The following PARD3 variants were observed in gnomAD, a reference collection of about 807,000 sequenced individuals.
The protein encoded by PARD3 is partitioning defective 3 homolog.
A neutral mutation model predicts 155.4 loss-of-function variants in PARD3; 75 were observed. The ratio of observed to expected loss-of-function variants is 0.48; its 90% CI spans 0.40 to 0.58. PARD3 has a LOEUF of 0.58. PARD3 is among the 20% of genes least tolerant of loss of function. The probability of loss-of-function intolerance (pLI) is 0.00; values close to 1 mark genes in which losing one functional copy is unlikely to be tolerated. For missense variants in PARD3, 1,642 were observed against 1,721.7 expected (o/e 0.95, Z 0.82); for synonymous variants, 576 against 610.5 (o/e 0.94, Z 0.83).
intron 1 of PARD3, among the ~76,000 whole-genome samples, chr10:34,748,311 A>T (rs1351285735): frequency 1.3e-5 from 2 of 152,022 alleles, no homozygotes; most frequent in Non-Finnish European, 2.9e-5. Context: ...CTCTACTAAA[A>T]ATACCAAAAT....
At chr10:34,344,643 CT>C in intron 15 of PARD3, 6 of 985,340 alleles carry the variant, frequency 6.1e-6, no homozygotes, top group Non-Finnish European at 7.2e-6. Flanking sequence ...ATGTTTAAGG[CT>C]TTTCAAAGGA....
At chr10:34,265,054 G>A (rs1032214991) in intron 22 of PARD3, among the ~76,000 whole-genome samples, 1 of 152,126 alleles carries the variant, frequency 6.6e-6, no homozygotes, top group Non-Finnish European at 1.5e-5. Context: ...CCCGGCCTAC[G>A]CCAACATTTT....
chr10:34,354,086 C>G (rs544155486), intron 14 of PARD3, among the ~76,000 whole-genome samples: 2 of 149,670 alleles, frequency 1.3e-5, no homozygotes, highest in Non-Finnish European at 3.0e-5. Context: ...CTGAGGGTGA[C>G]TCTGGAATTT....
chr10:34,416,812 A>G (rs1256645559), intron 5 of PARD3, among the ~76,000 whole-genome samples: 1 of 152,262 alleles, frequency 6.6e-6, no homozygotes, highest in Non-Finnish European at 1.5e-5. Flanking sequence ...ATTGTATCAC[A>G]ACATGAACTG....
chr10:34,328,730 C>A (rs1240024269), intron 19 of PARD3, among the ~76,000 whole-genome samples: 1 of 152,150 alleles, frequency 6.6e-6, no homozygotes, highest in African/African-American at 2.4e-5. Flanking sequence ...ACTAAAATCC[C>A]AAATTACTTA....
chr10:34,291,760 G>T (rs960359106), intron 20 of PARD3, among the ~76,000 whole-genome samples: 5 of 152,208 alleles, frequency 3.3e-5, no homozygotes, highest in African/African-American at 1.2e-4. Context: ...AAATACATGA[G>T]ATAGAACTGG....
chr10:34,814,826 G>A, intron 1 of PARD3, 50 bp downstream of exon 1: 1 of 1,299,748 alleles, frequency 7.7e-7, no homozygotes, highest in Non-Finnish European at 1.1e-6. Context: ...ATTGATCCCG[G>A]CGCCGTCCCC....
intron 2 of PARD3, among the ~76,000 whole-genome samples, chr10:34,600,386 T>C (rs1353347697): frequency 2.0e-5 from 3 of 151,072 alleles, no homozygotes; most frequent in Non-Finnish European, 2.9e-5. Context: ...ATAAAAGGTA[T>C]AAAGATTGGA....
chr10:34,258,005 C>T (rs1014999369), intron 22 of PARD3, among the ~76,000 whole-genome samples: 1 of 152,178 alleles, frequency 6.6e-6, no homozygotes, highest in African/African-American at 2.4e-5. Flanking sequence ...CAAAGAGCCA[C>T]GTAATTCACC....
intron 2 of PARD3, among the ~76,000 whole-genome samples, chr10:34,654,381 C>T (rs1260165109): frequency 6.6e-6 from 1 of 152,184 alleles, no homozygotes; most frequent in African/African-American, 2.4e-5. Flanking sequence ...GGTTAAGTAA[C>T]TTGCCCAAGG....
rs1185067110 is a variant in PARD3 at position 34,120,004 on chromosome 10, A to ATTTTTTTTTT, written c.3541-274_3541-265dup. Among the ~76,000 whole-genome samples the ATTTTTTTTTT allele has an allele frequency of 5.7e-3, 422 of 73,820 alleles. 61 individuals carry two copies. Among genetic ancestry groups the ATTTTTTTTTT allele is most frequent in the African/African-American group, 0.02 (346 of 17,050 alleles). 48.4% of individuals were successfully genotyped at this position (73,820 alleles called of 152,430 possible). On this transcript the variant is annotated intron_variant, in intron 23 of 24. Transcript: ENST00000374788. ...AGATCAAACTTTCTAGTCTTCTTTA[A>ATTTTTTTTTT]TTTTTTTTTTTTTTTTTTTTTTTTT...
At chr10:34,442,961 T>C (rs968124277) in intron 5 of PARD3, among the ~76,000 whole-genome samples, 1 of 151,706 alleles carries the variant, frequency 6.6e-6, no homozygotes, top group African/African-American at 2.4e-5. Context: ...TAGTTCTAGA[T>C]CTCAGGGAAA....
chr10:34,629,460 C>T (rs1321044580), intron 2 of PARD3, among the ~76,000 whole-genome samples: 1 of 152,208 alleles, frequency 6.6e-6, no homozygotes, highest in Non-Finnish European at 1.5e-5. Flanking sequence ...TGTGCACACA[C>T]ACACACATAC....
At chr10:34,342,549 T>C (rs1836943412) in intron 15 of PARD3, among the ~76,000 whole-genome samples, 1 of 152,088 alleles carries the variant, frequency 6.6e-6, no homozygotes, top group South Asian at 2.1e-4. Context: ...ACTTAAAAGA[T>C]GAGTATTACC....
chr10:34,462,037 A>G (rs1307561695), intron 4 of PARD3, among the ~76,000 whole-genome samples: 1 of 152,260 alleles, frequency 6.6e-6, no homozygotes, highest in Non-Finnish European at 1.5e-5. Flanking sequence ...AAATGATTAT[A>G]ACCATACTGA....
intron 4 of PARD3, among the ~76,000 whole-genome samples, chr10:34,451,968 A>G (rs949404130): frequency 2.5e-4 from 38 of 152,104 alleles, no homozygotes; most frequent in African/African-American, 8.4e-4. Context: ...GCTTATTCTG[A>G]TAAGACTTTC....
chr10:34,771,465 C>A (rs555778043), intron 1 of PARD3, among the ~76,000 whole-genome samples: 44 of 152,342 alleles, frequency 2.9e-4, no homozygotes, highest in Middle Eastern at 3.4e-3. Flanking sequence ...GTTATTATCA[C>A]CATCATCAAG....
chr10:34,334,094 T>C (rs912800047), intron 18 of PARD3, among the ~76,000 whole-genome samples: 2 of 151,822 alleles, frequency 1.3e-5, no homozygotes, highest in African/African-American at 2.4e-5. Context: ...AAAACAATAT[T>C]TTAAGCTCTT....
intron 5 of PARD3, among the ~76,000 whole-genome samples, chr10:34,436,507 G>C (rs1330268047): frequency 6.6e-6 from 1 of 152,166 alleles, no homozygotes; most frequent in African/African-American, 2.4e-5. Context: ...GTGCAACATG[G>C]TACGATGTCT....
Sources: gnomAD v4.1 joint callset for allele counts (sites outside exome capture counted in the v4.1 genomes callset) on GRCh38, gnomAD v4.1.1 for gene constraint, MANE v1.5 for transcripts, NCBI Gene and HGNC (gene_info 2026-07-23, HGNC 2026-07-21) for gene names.